The following SLC28A3 variants were observed in gnomAD, a reference collection of about 807,000 sequenced individuals.
SLC28A3 encodes the protein solute carrier family 28 member 3.
Under a neutral mutation model 84.2 loss-of-function variants are expected in SLC28A3, and 68 were observed. The observed-to-expected ratio is 0.81, with a 90% CI of 0.66 to 0.99. SLC28A3 has a LOEUF of 0.99. SLC28A3 is among the 50% of genes least tolerant of loss of function. SLC28A3 has a pLI of 0.00. For missense variants in SLC28A3, 712 were observed against 841.5 expected (o/e 0.85, Z 1.90); for synonymous variants, 267 against 303.6 (o/e 0.88, Z 1.25).
At chr9:84,342,707 G>A (rs1337481172), upstream of SLC28A3, among the ~76,000 whole-genome samples, 1 of 151,906 alleles carries the variant, frequency 6.6e-6, no homozygotes, top group Admixed American at 6.6e-5. Flanking sequence ...CAGGCACTGT[G>A]CCTGGCCACA....
chr9:84,365,566 A>G, the SLC28A3 span, among the ~76,000 whole-genome samples: 1 of 152,030 alleles, frequency 6.6e-6, no homozygotes, highest in East Asian at 1.9e-4. Context: ...TTCTCAAGAA[A>G]TTTTCGCCCA....
the SLC28A3 span, among the ~76,000 whole-genome samples, chr9:84,347,001 G>C: frequency 3.3e-5 from 5 of 151,832 alleles, no homozygotes; most frequent in African/African-American, 1.2e-4. Flanking sequence ...ATGGTAAAAT[G>C]CTGTCCCTAC....
At chr9:84,335,301 C>A (rs576622933) in intron 1 of SLC28A3, among the ~76,000 whole-genome samples, 63 of 152,298 alleles carry the variant, frequency 4.1e-4, no homozygotes, top group African/African-American at 1.4e-3. Flanking sequence ...GTAATCTCAG[C>A]ACTTTGGGAA....
At chr9:84,329,797 G>C (rs2118572504) in intron 1 of SLC28A3, among the ~76,000 whole-genome samples, 1 of 152,258 alleles carries the variant, frequency 6.6e-6, no homozygotes. Context: ...TACTTGGAAG[G>C]CTGGGGTGGG....
rs550111515 is a variant in SLC28A3 at position 84,333,583 on chromosome 9, A to G, written c.60+6991T>C. ...AAGTTGGCATCTAACAACCAATAAC[A>G]GGAAAATTTTAATTAAACTCAATGA... On this transcript the variant is annotated intron_variant, in intron 1 of 17. Coordinates refer to ENST00000376238, the MANE Select transcript of SLC28A3 (RefSeq NM_001199633.2). Among the ~76,000 whole-genome samples, 6 of 152,338 alleles carry G rather than the reference A, an allele frequency of 3.9e-5. No individual in the cohort carries two copies. The South Asian group carries it at 6.2e-4, about 16-fold the overall frequency.
the SLC28A3 span, among the ~76,000 whole-genome samples, chr9:84,354,955 C>T: frequency 6.6e-6 from 1 of 152,004 alleles, no homozygotes; most frequent in East Asian, 1.9e-4. Context: ...GAATTGCATT[C>T]AGGGTAACTA....
chr9:84,301,292 G>C (rs1564157583), intron 5 of SLC28A3, among the ~76,000 whole-genome samples: 1 of 142,006 alleles, frequency 7.0e-6, no homozygotes, highest in Non-Finnish European at 1.5e-5. Context: ...GGAGGTTGCA[G>C]TGAGCCAAGA....
At chr9:84,361,061 G>A in the SLC28A3 span, among the ~76,000 whole-genome samples, 3 of 151,804 alleles carry the variant, frequency 2.0e-5, no homozygotes, top group African/African-American at 7.3e-5. Context: ...GGTTAAACAT[G>A]CAGGCCGGGT....
At chr9:84,361,939 A>AAATAAATAAATAAATAAATAAAG in the SLC28A3 span, among the ~76,000 whole-genome samples, 1 of 140,002 alleles carries the variant, frequency 7.1e-6, no homozygotes, top group African/African-American at 2.9e-5. Context: ...AATAAATAAA[A>AAATAAATAAATAAATAAATAAAG]ATTAATTTTT....
At chr9:84,310,799 G>T (rs753290961) in intron 2 of SLC28A3, among the ~76,000 whole-genome samples, 1 of 152,164 alleles carries the variant, frequency 6.6e-6, no homozygotes, top group Non-Finnish European at 1.5e-5. Flanking sequence ...GGAAGGGCTG[G>T]AGTTGAGTCT....
At chr9:84,327,361 GA>G (rs11404370) in intron 1 of SLC28A3, among the ~76,000 whole-genome samples, 70,882 of 127,572 alleles carry the variant, frequency 0.56, 18,046 homozygotes, top group Admixed American at 0.65. Flanking sequence ...TCAGAACACC[GA>G]AAAAAAAAAA....
intron 1 of SLC28A3, among the ~76,000 whole-genome samples, chr9:84,320,749 G>A (rs1826347548): frequency 1.3e-5 from 2 of 152,010 alleles, no homozygotes; most frequent in South Asian, 2.1e-4. Flanking sequence ...TAGCACTTTC[G>A]GAGGCCGAGG....
chr9:84,348,607 G>A, the SLC28A3 span, among the ~76,000 whole-genome samples: 6 of 152,198 alleles, frequency 3.9e-5, no homozygotes, highest in Admixed American at 1.3e-4. Context: ...GTCCCACAAA[G>A]TCCGTATGTT....
chr9:84,311,774 T>C (rs1178133441), intron 2 of SLC28A3, among the ~76,000 whole-genome samples: 3 of 152,170 alleles, frequency 2.0e-5, no homozygotes, highest in Non-Finnish European at 4.4e-5. Flanking sequence ...GAGAATCACC[T>C]GAACCCGGGA....
At chr9:84,346,742 C>T in the SLC28A3 span, among the ~76,000 whole-genome samples, 61 of 152,176 alleles carry the variant, frequency 4.0e-4, no homozygotes, top group African/African-American at 1.4e-3. Context: ...TAGGTTTTTT[C>T]CCTGACATTT....
chr9:84,285,255 G>A, intron 14 of SLC28A3, 90 bp downstream of exon 14: 2 of 1,304,234 alleles, frequency 1.5e-6, no homozygotes, highest in Non-Finnish European at 2.1e-6. Flanking sequence ...CAGGTGCCTG[G>A]CATAGTGCTT....
intron 13 of SLC28A3, 63 bp downstream of exon 13, chr9:84,285,879 AT>A (rs920825546): frequency 1.3e-6 from 2 of 1,531,208 alleles, no homozygotes; most frequent in Admixed American, 4.0e-5. Context: ...TTACAAACCT[AT>A]TTTATTTTTA....
At chr9:84,280,998 C>T (rs981641122) in intron 14 of SLC28A3, 116 bp from the exon 15 acceptor site, 1 of 947,924 alleles carries the variant, frequency 1.1e-6, no homozygotes, top group Non-Finnish European at 1.6e-6. Context: ...AATGCACAGT[C>T]CATGGTATCA....
chr9:84,287,157 AAAACAAACAAAC>A (rs142474844), intron 12 of SLC28A3, among the ~76,000 whole-genome samples: 2 of 151,332 alleles, frequency 1.3e-5, no homozygotes, highest in East Asian at 2.0e-4. Context: ...AGACCCTGTC[AAAACAAACAAAC>A]AAACAAACAA....
Sources: allele counts gnomAD v4.1 joint callset (sites outside exome capture counted in the v4.1 genomes callset), GRCh38; gene constraint gnomAD v4.1.1; transcripts MANE v1.5; gene names NCBI Gene and HGNC (gene_info 2026-07-23, HGNC 2026-07-21).